Variants in PPEF2 observed in about 807,000 individuals in gnomAD.
PPEF2 encodes protein phosphatase with EF-hand domain 2, also known as serine/threonine-protein phosphatase with EF-hands 2.
A neutral mutation model predicts 84.7 loss-of-function variants in PPEF2; 84 were observed. That is an observed-to-expected ratio of 0.99 (90% CI 0.83 to 1.19). PPEF2 has a LOEUF of 1.19. Ranked by LOEUF, PPEF2 falls within the 50% of genes most tolerant of loss-of-function variation. PPEF2 has a pLI of 0.00. For missense variants in PPEF2, 924 were observed against 937.5 expected (o/e 0.99, Z 0.19); for synonymous variants, 346 against 345.2 (o/e 1.00, Z -0.03).
At chr4:75,890,171 C>T (rs1216100363) in intron 4 of PPEF2, 39 bp from the exon 5 acceptor site, 8 of 1,600,500 alleles carry the variant, frequency 5.0e-6, no homozygotes, top group Non-Finnish European at 6.8e-6. Flanking sequence ...TTATGATCAT[C>T]TGATCATGCA....
intron 6 of PPEF2, among the ~76,000 whole-genome samples, chr4:75,887,652 T>C (rs1433865959): frequency 1.3e-5 from 2 of 151,302 alleles, no homozygotes; most frequent in Admixed American, 1.3e-4. Flanking sequence ...TTTATGAACA[T>C]TGCAAGGCAG....
At chr4:75,866,825 G>A (rs537090501) in intron 14 of PPEF2, among the ~76,000 whole-genome samples, 3 of 152,296 alleles carry the variant, frequency 2.0e-5, no homozygotes, top group African/African-American at 4.8e-5. Flanking sequence ...GTATGTGTAC[G>A]TGAAAAGATA....
At chr4:75,890,195 A>G in intron 4 of PPEF2, 63 bp from the exon 5 acceptor site, 1 of 1,573,852 alleles carries the variant, frequency 6.4e-7, no homozygotes, top group Non-Finnish European at 8.7e-7. Flanking sequence ...TGTGGGCACT[A>G]TAGAATAGTC....
chr4:75,894,008 G>A (rs1724952880), intron 2 of PPEF2, among the ~76,000 whole-genome samples: 2 of 152,118 alleles, frequency 1.3e-5, no homozygotes, highest in Non-Finnish European at 2.9e-5. Flanking sequence ...ATGCAAAAAT[G>A]TATAGGCCCC....
chr4:75,888,619 G>T (rs1263732980), intron 5 of PPEF2, among the ~76,000 whole-genome samples: 2 of 152,172 alleles, frequency 1.3e-5, no homozygotes, highest in African/African-American at 4.8e-5. Flanking sequence ...CCATGTGATT[G>T]TTTCAGTAAA....
intron 2 of PPEF2, among the ~76,000 whole-genome samples, chr4:75,892,427 GC>G: frequency 6.6e-6 from 1 of 152,266 alleles, no homozygotes; most frequent in Non-Finnish European, 1.5e-5. Context: ...ACCTAGAACT[GC>G]CCTGACAAGC....
rs758390420 is a variant in PPEF2, at chr4:75,866,359, G to A, written c.1757-7C>T. On this transcript the variant is annotated splice_region_variant and splice_polypyrimidine_tract_variant and intron_variant, in intron 14 of 16. Transcript: ENST00000286719. ...TCACTCAAGGTGATTAAACCTACAG[G>A]TGAGAGCTAACCTGTTGCCTTGTCA... 1 of 1,612,294 alleles carries A rather than the reference G, an allele frequency of 6.2e-7. No individual in the cohort carries two copies. The highest frequency in any genetic ancestry group is 8.5e-7 in the Non-Finnish European group (1 of 1,179,008).
At chr4:75,884,794 G>A in intron 7 of PPEF2, 34 bp from the exon 8 acceptor site, 1 of 1,509,558 alleles carries the variant, frequency 6.6e-7, no homozygotes, top group Non-Finnish European at 9.0e-7. Flanking sequence ...AAGAATGAAT[G>A]GGAGGAAGGA....
chr4:75,864,705 C>A (rs537683152), intron 15 of PPEF2, among the ~76,000 whole-genome samples, 178 bp from the exon 16 acceptor site: 5 of 152,178 alleles, frequency 3.3e-5, no homozygotes, highest in Admixed American at 3.3e-4. Flanking sequence ...GTTTAAGAAG[C>A]ACCTCACCCA....
In PPEF2 at chr4:75,861,614, G is replaced by GTTTTTTTTTTTTGTTT. The variant is rs1724001901; in HGVS notation, c.2009-695_2009-694insAAACAAAAAAAAAAAA. Among the ~76,000 whole-genome samples, 3 of 86,146 alleles carry GTTTTTTTTTTTTGTTT rather than the reference G, an allele frequency of 3.5e-5. 1 individual carries two copies. The highest frequency in any genetic ancestry group is 7.2e-5 in the Non-Finnish European group (3 of 41,932). The allele number at this position is 86,146 out of a possible 152,430, so 56.5% of individuals were successfully genotyped here. A position where few individuals can be genotyped will look rare whatever the true frequency, so the allele number is the denominator to read the frequency against. On this transcript the variant is annotated intron_variant, in intron 16 of 16. Transcript: ENST00000286719. ...CTTTGTGATCTTAGGTTATGCAACA[G>GTTTTTTTTTTTTGTTT]TTTTTTTTTTTTTGAGAGGGAGTCT...
chr4:75,873,387 A>G, intron 11 of PPEF2, 75 bp from the exon 12 acceptor site: 1 of 1,307,474 alleles, frequency 7.6e-7, no homozygotes, highest in South Asian at 1.4e-5. Context: ...AATGAAAGGA[A>G]GAGGAGGAGG....
chr4:75,874,166 T>A (rs1724353348), intron 11 of PPEF2, among the ~76,000 whole-genome samples: 2 of 152,054 alleles, frequency 1.3e-5, no homozygotes, highest in South Asian at 4.2e-4. Context: ...GCAGAAGAGT[T>A]GAGCAATTTT....
At chr4:75,900,614 T>A (rs1725098176) in intron 1 of PPEF2, among the ~76,000 whole-genome samples, 1 of 152,204 alleles carries the variant, frequency 6.6e-6, no homozygotes, top group African/African-American at 2.4e-5. Context: ...ATTACAGGGT[T>A]GTTAGGAGTG....
In PPEF2 at chr4:75,860,706, A is replaced by C; in HGVS notation, c.2223T>G (p.Asn741Lys). Residue 741 changes from asparagine (N) to lysine (K), a missense_variant, in exon 17 of 17, where the codon AAT (asparagine) becomes AAG (lysine). Coordinates refer to ENST00000286719, the MANE Select transcript of PPEF2 (RefSeq NM_006239.3). ...GDASECPQAT[N>K]AKDSGCSSPG... ...GACTGCTGCAGCCACTGTCTTTAGCATTTGTAGCTTGTGGGCATTCTGAGG... is the reference window on the plus strand; with the variant it reads ...GACTGCTGCAGCCACTGTCTTTAGCCTTTGTAGCTTGTGGGCATTCTGAGG... The C allele has an allele frequency of 6.2e-7, 1 of 1,614,224 alleles. No individual in the cohort carries two copies. Among genetic ancestry groups the C allele is most frequent in the Non-Finnish European group, 8.5e-7 (1 of 1,180,040 alleles).
chr4:75,899,884 C>T (rs1309853163), intron 1 of PPEF2, among the ~76,000 whole-genome samples: 1 of 152,178 alleles, frequency 6.6e-6, no homozygotes, highest in Admixed American at 6.6e-5. Context: ...ACATTGGTAA[C>T]TTGCCTGCAT....
At chr4:75,870,370 C>A (rs1165161352) in intron 13 of PPEF2, among the ~76,000 whole-genome samples, 1 of 152,096 alleles carries the variant, frequency 6.6e-6, no homozygotes, top group Non-Finnish European at 1.5e-5. Flanking sequence ...TTACATAATT[C>A]TTCTTTTTAA....
At chr4:75,883,142 C>T in intron 9 of PPEF2, 24 bp downstream of exon 9, 1 of 1,613,744 alleles carries the variant, frequency 6.2e-7, no homozygotes, top group South Asian at 1.1e-5. Flanking sequence ...CTGAGAGAAA[C>T]TTTTGTCTTT....
chr4:75,876,697 C>T lies in PPEF2; in HGVS notation c.934-24G>A, dbSNP rs754108183. The T allele has an allele frequency of 3.3e-6, 5 of 1,513,820 alleles. No homozygotes were observed. In the South Asian group the frequency reaches 4.0e-5, roughly 12 times the overall value. The allele number at this position is 1,513,820 out of a possible 1,614,324, so 93.8% of individuals were successfully genotyped here. A position where few individuals can be genotyped will look rare whatever the true frequency, so the allele number is the denominator to read the frequency against. ...ATCTAAACACGTCCAGAAAGAGATACAGATGCTGGAATGAAACTGTAGGCC... is the reference window on the plus strand; with the variant it reads ...ATCTAAACACGTCCAGAAAGAGATATAGATGCTGGAATGAAACTGTAGGCC... On this transcript the variant is annotated intron_variant, in intron 10 of 16. Coordinates refer to ENST00000286719, the MANE Select transcript of PPEF2 (RefSeq NM_006239.3).
intron 1 of PPEF2, among the ~76,000 whole-genome samples, chr4:75,898,937 A>G (rs1414612615): frequency 2.0e-5 from 3 of 152,128 alleles, no homozygotes; most frequent in African/African-American, 4.8e-5. Flanking sequence ...GTACTGTACA[A>G]TGGAGTGCCA....
Sources: gnomAD v4.1 joint callset for allele counts (sites outside exome capture counted in the v4.1 genomes callset) on GRCh38, gnomAD v4.1.1 for gene constraint, MANE v1.5 for transcripts, NCBI Gene and HGNC (gene_info 2026-07-23, HGNC 2026-07-21) for gene names.